ANK1: variants seen among roughly 807,000 people sequenced by gnomAD.
ANK1 encodes the protein ankyrin 1.
Under a neutral mutation model 210.4 loss-of-function variants are expected in ANK1, and 51 were observed. The observed-to-expected ratio is 0.24, with a 90% CI of 0.19 to 0.31. The LOEUF is 0.31. ANK1 is among the 10% of genes least tolerant of loss of function. The pLI, the probability that ANK1 is intolerant of heterozygous loss-of-function variation, is 1.00. For synonymous variants in ANK1, 967 were observed against 1,025.9 expected, an observed-to-expected ratio of 0.94 and a Z score of 1.10; for missense variants, 2,051 against 2,504.4, an observed-to-expected ratio of 0.82 and a Z score of 3.86.
chr8:41,691,319 T>A (rs1586125964), intron 31 of ANK1, among the ~76,000 whole-genome samples: 1 of 152,198 alleles, frequency 6.6e-6, no homozygotes, highest in African/African-American at 2.4e-5. Flanking sequence ...TTAATCTCAC[T>A]CATTGTTATG....
At chr8:41,744,002 CA>C (rs1311558712) in intron 2 of ANK1, among the ~76,000 whole-genome samples, 1 of 152,048 alleles carries the variant, frequency 6.6e-6, no homozygotes, top group African/African-American at 2.4e-5. Context: ...TGGGGCAGGG[CA>C]AGTACAAAAT....
intron 10 of ANK1, 43 bp from the exon 11 acceptor site, chr8:41,718,247 C>T (rs773671744): frequency 3.7e-6 from 6 of 1,601,220 alleles, no homozygotes; most frequent in Non-Finnish European, 4.3e-6. Flanking sequence ...GGAGCTTACA[C>T]ACGGGCCCAA....
chr8:41,661,321 G>A, intron 42 of ANK1, 109 bp downstream of exon 42: 1 of 1,479,230 alleles, frequency 6.8e-7, no homozygotes, highest in Non-Finnish European at 9.2e-7. Flanking sequence ...ACAACAAGTT[G>A]TTTGTCCCAC....
chr8:41,725,004 C>T (rs948807435), intron 6 of ANK1, among the ~76,000 whole-genome samples: 5 of 152,140 alleles, frequency 3.3e-5, no homozygotes, highest in African/African-American at 9.7e-5. Flanking sequence ...GGACTACAGG[C>T]GAACACCATC....
chr8:41,665,283 T>C, intron 39 of ANK1: 1 of 1,477,428 alleles, frequency 6.8e-7, no homozygotes, highest in Non-Finnish European at 9.0e-7. Flanking sequence ...GTGGCCCGGG[T>C]GACATCACGC....
At chr8:41,890,150 G>C (rs1471817052) in intron 1 of ANK1, among the ~76,000 whole-genome samples, 1 of 152,190 alleles carries the variant, frequency 6.6e-6, no homozygotes, top group East Asian at 1.9e-4. Context: ...TTAAATATAT[G>C]GGAGTTTTAA....
At chr8:41,873,716 G>A (rs1008114773) in intron 1 of ANK1, among the ~76,000 whole-genome samples, 4 of 152,228 alleles carry the variant, frequency 2.6e-5, no homozygotes, top group Non-Finnish European at 5.9e-5. Context: ...CTGCCATATT[G>A]CACAGCTGTG....
In ANK1 at chr8:41,890,428, T is replaced by TGG. The variant is rs1159958681; in HGVS notation, c.126+5925_126+5926dup. On this transcript the variant is annotated intron_variant, in intron 1 of 42. Transcript: ENST00000265709. ...CTCAAAAAAACAAACACTGGCTGGG[T>TGG]GGGGGCACAATGGCTCAAGCCTGTA... Among the ~76,000 whole-genome samples the TGG allele has an allele frequency of 2.6e-5, 4 of 151,884 alleles. No homozygotes were observed. In the South Asian group the frequency reaches 8.3e-4, roughly 32 times the overall value.
chr8:41,831,627 G>A (rs1198114430), intron 1 of ANK1, among the ~76,000 whole-genome samples: 1 of 120,862 alleles, frequency 8.3e-6, no homozygotes, highest in Non-Finnish European at 1.6e-5. Context: ...CCAGTGCAGA[G>A]CAAAAGTCTG....
intron 1 of ANK1, among the ~76,000 whole-genome samples, chr8:41,865,515 CCCT>C (rs553347562): frequency 5.5e-4 from 83 of 152,274 alleles, no homozygotes; most frequent in African/African-American, 1.9e-3. Context: ...TCCAGCCCAG[CCCT>C]CCTCCAAATT....
chr8:41,687,465 A>G (rs1241785001), intron 35 of ANK1, among the ~76,000 whole-genome samples: 1 of 152,220 alleles, frequency 6.6e-6, no homozygotes, highest in African/African-American at 2.4e-5. Context: ...ACGAGAACGT[A>G]GCTTCTTGCT....
chr8:41,877,451 ACACT>A (rs1406560956), intron 1 of ANK1, among the ~76,000 whole-genome samples: 3 of 152,210 alleles, frequency 2.0e-5, no homozygotes, highest in African/African-American at 7.2e-5. Flanking sequence ...CTAGGAAGTG[ACACT>A]CACAGTGCCC....
rs994637233 is a variant in ANK1 at position 41,653,897 on chromosome 8, C to T, written c.*1893G>A. On this transcript the variant is annotated 3_prime_UTR_variant, in exon 43 of 43. Coordinates refer to ENST00000289734, the MANE Select transcript of ANK1 (RefSeq NM_000037.4). ...TAAAGGAAGCAAAAGCAGCCCCACC[C>T]CCGGCCGACAAGGCGCCTAGGCCGC... is the stretch of plus-strand genomic sequence containing the variant. The T allele has an allele frequency of 1.3e-5, 2 of 152,194 alleles. No homozygotes were observed. Among genetic ancestry groups the T allele is most frequent in the African/African-American group, 4.8e-5 (2 of 41,446 alleles). The allele number at this position is 152,194 out of a possible 1,614,324, so 9.4% of individuals were successfully genotyped here.
chr8:41,807,684 C>T (rs1329197042), intron 1 of ANK1, among the ~76,000 whole-genome samples: 1 of 152,140 alleles, frequency 6.6e-6, no homozygotes, highest in Non-Finnish European at 1.5e-5. Context: ...CCTCTAAGTG[C>T]TCTTGAGATA....
At chr8:41,803,041 GA>G (rs1563810425) in intron 1 of ANK1, among the ~76,000 whole-genome samples, 4 of 56,226 alleles carry the variant, frequency 7.1e-5, no homozygotes, top group African/African-American at 2.9e-4. Context: ...AAGAAAGAAA[GA>G]GAAAGAAAGA....
intron 1 of ANK1, among the ~76,000 whole-genome samples, chr8:41,880,953 G>A (rs965136497): frequency 3.3e-5 from 5 of 152,248 alleles, no homozygotes; most frequent in African/African-American, 7.2e-5. Flanking sequence ...CATCCCTCTT[G>A]TCTTCTCAGA....
At chr8:41,789,933 CG>C (rs1374078054) in intron 1 of ANK1, among the ~76,000 whole-genome samples, 6 of 152,246 alleles carry the variant, frequency 3.9e-5, no homozygotes, top group Admixed American at 3.9e-4. Flanking sequence ...GATAAAACCC[CG>C]GGGACCTCAG....
intron 1 of ANK1, among the ~76,000 whole-genome samples, chr8:41,855,434 C>T (rs1300251363): frequency 6.6e-6 from 1 of 152,338 alleles, no homozygotes; most frequent in South Asian, 2.1e-4. Flanking sequence ...CAGAGGCCAT[C>T]GTCCTCCCTC....
intron 1 of ANK1, among the ~76,000 whole-genome samples, 196 bp from the exon 2 acceptor site, chr8:41,758,333 GGTTTTTT>G (rs1166085389): frequency 3.3e-5 from 5 of 152,082 alleles, no homozygotes; most frequent in South Asian, 2.1e-4. Flanking sequence ...CCCTTCCTTT[GGTTTTTT>G]GTTTTTTGTT....
Sources: allele counts gnomAD v4.1 joint callset (sites outside exome capture counted in the v4.1 genomes callset), GRCh38; gene constraint gnomAD v4.1.1; transcripts MANE v1.5; gene names NCBI Gene and HGNC (gene_info 2026-07-23, HGNC 2026-07-21).